Variants in SPECC1L observed in about 807,000 individuals in gnomAD.
SPECC1L encodes the protein cytospin-A.
SPECC1L carries 40 observed loss-of-function variants against 116.8 expected under a neutral mutation model. That is an observed-to-expected ratio of 0.34 (90% CI 0.27 to 0.45). The LOEUF is 0.45. Among genes scored for constraint, SPECC1L ranks in the 20% least tolerant of loss-of-function variants. The pLI, the probability that SPECC1L is intolerant of heterozygous loss-of-function variation, is 1.00. For missense variants in SPECC1L, 1,110 were observed against 1,373.6 expected (o/e 0.81, Z 3.03); for synonymous variants, 504 against 500.6 (o/e 1.01, Z -0.09).
chr22:24,373,596 C>G (rs572828236), intron 14 of SPECC1L, among the ~76,000 whole-genome samples: 177 of 152,288 alleles, frequency 1.2e-3, no homozygotes, highest in African/African-American at 4.1e-3. Context: ...AACTGCATCC[C>G]TTCCTTACAC....
At chr22:24,364,155 G>A (rs2041702225) in intron 12 of SPECC1L, among the ~76,000 whole-genome samples, 1 of 152,118 alleles carries the variant, frequency 6.6e-6, no homozygotes, top group African/African-American at 2.4e-5. Context: ...ACTCAGTGCT[G>A]CCTTTAGAAA....
At chr22:24,342,665 T>TC (rs2041201013) in intron 10 of SPECC1L, among the ~76,000 whole-genome samples, 1 of 114,126 alleles carries the variant, frequency 8.8e-6, no homozygotes, top group African/African-American at 3.7e-5. Flanking sequence ...AGAGCAGGAC[T>TC]CCATCTCAAA....
intron 4 of SPECC1L, among the ~76,000 whole-genome samples, chr22:24,317,901 C>T (rs1286763014): frequency 2.7e-5 from 4 of 148,422 alleles, no homozygotes; most frequent in Non-Finnish European, 6.0e-5. Flanking sequence ...AGGGCAGAGG[C>T]GCTCCCCACA....
intron 11 of SPECC1L, 135 bp downstream of exon 11, chr22:24,347,311 A>G: frequency 1.4e-6 from 1 of 699,410 alleles, no homozygotes; most frequent in Non-Finnish European, 2.6e-6. Flanking sequence ...TCAGAAGTTC[A>G]CTAGTAAGTA....
chr22:24,288,513 G>C (rs1295308453), intron 2 of SPECC1L, among the ~76,000 whole-genome samples: 3 of 148,286 alleles, frequency 2.0e-5, no homozygotes, highest in Non-Finnish European at 3.0e-5. Flanking sequence ...CCTAACCAGT[G>C]AAATGCTTGT....
chr22:24,337,955 G>C (rs889040360), intron 9 of SPECC1L, among the ~76,000 whole-genome samples: 2 of 152,070 alleles, frequency 1.3e-5, no homozygotes, highest in Non-Finnish European at 2.9e-5. Flanking sequence ...ATTGAGGAAA[G>C]ACAAGCAGAA....
intron 14 of SPECC1L, among the ~76,000 whole-genome samples, chr22:24,377,031 C>A (rs1461943601): frequency 6.6e-6 from 1 of 152,074 alleles, no homozygotes; most frequent in Non-Finnish European, 1.5e-5. Flanking sequence ...TTACTATAGG[C>A]AACCACTAAT....
chr22:24,411,039 A>T (rs2042686150), intron 14 of SPECC1L, among the ~76,000 whole-genome samples: 1 of 151,892 alleles, frequency 6.6e-6, no homozygotes, highest in Non-Finnish European at 1.5e-5. Flanking sequence ...ACAAAAAAAA[A>T]TAGCCGGGTG....
chr22:24,372,754 A>G lies in SPECC1L; in HGVS notation c.3087+3434A>G, dbSNP rs568190573. On this transcript the variant is annotated intron_variant, in intron 14 of 16. Transcript: ENST00000314328. ...CTCTCTCACCACTCCTATTCAACAT[A>G]GTGTTGGAAGTTCTGGCCAGGGCAG... is the stretch of plus-strand genomic sequence containing the variant. 2.6e-5 allele frequency among the ~76,000 whole-genome samples: 4 copies of G among 151,258 alleles called. No individual in the cohort carries two copies. The East Asian group carries it at 7.7e-4, about 29-fold the overall frequency.
At chr22:24,360,897 C>T (rs9608277) in intron 11 of SPECC1L, among the ~76,000 whole-genome samples, 25,688 of 152,082 alleles carry the variant, frequency 0.17, 2,685 homozygotes, top group Admixed American at 0.24. Context: ...TCTTCCTTTA[C>T]GGGTAAATGC....
At chr22:24,282,166 CA>C (rs1444498837) in intron 2 of SPECC1L, among the ~76,000 whole-genome samples, 10 of 152,184 alleles carry the variant, frequency 6.6e-5, no homozygotes, top group Admixed American at 2.6e-4. Context: ...CCAGCTGATC[CA>C]TCAAGTGCAG....
At chr22:24,363,415 G>A (rs2041684483) in intron 12 of SPECC1L, 71 bp downstream of exon 12, 1 of 1,346,616 alleles carries the variant, frequency 7.4e-7, no homozygotes, top group Non-Finnish European at 1.1e-6. Context: ...ATGTTGCCCA[G>A]GCTGATCTCA....
In SPECC1L at chr22:24,322,756, G is replaced by T; in HGVS notation, c.1776G>T (p.Glu592Asp). 1 of 1,584,354 alleles carries T rather than the reference G, an allele frequency of 6.3e-7. No individual in the cohort carries two copies. The highest frequency in any genetic ancestry group is 1.2e-5 in the South Asian group (1 of 85,026). The stretch of plus-strand genomic sequence containing the variant: ...AGAATGAAAAGCAGAAAGTGGCAGA[G>T]CTGTATTCTATCCATAACTCTGGAG... ...QLENEKQKVA[E>D]LYSIHNSGDK... is the part of the protein sequence containing the mutation. Residue 592 changes from glutamate to aspartate, a missense_variant, in exon 5 of 17, where the codon GAG (glutamate) becomes GAT (aspartate). Coordinates refer to ENST00000314328, the MANE Select transcript of SPECC1L (RefSeq NM_015330.6).
chr22:24,300,106 T>C (rs2049347273), intron 2 of SPECC1L, among the ~76,000 whole-genome samples: 1 of 152,228 alleles, frequency 6.6e-6, no homozygotes, highest in South Asian at 2.1e-4. Flanking sequence ...GCTGCACCTA[T>C]TGACCCATCC....
rs545245758 is a variant in SPECC1L at position 24,291,216 on chromosome 22, C to T, written c.-37-10979C>T. On this transcript the variant is annotated intron_variant, in intron 2 of 16. Coordinates refer to ENST00000314328, the MANE Select transcript of SPECC1L (RefSeq NM_015330.6). The stretch of plus-strand genomic sequence containing the variant: ...AAAAAGTCATAATTAATAAGCAGTT[C>T]CTCTTAAATTGTTTGATTCCGTGTT... 3.3e-5 allele frequency among the ~76,000 whole-genome samples: 5 copies of T among 152,226 alleles called. No homozygotes were observed. The South Asian group carries it at 1.0e-3, about 32-fold the overall frequency.
At chr22:24,309,136 GAC>G (rs138903918) in intron 3 of SPECC1L, among the ~76,000 whole-genome samples, 8 of 150,906 alleles carry the variant, frequency 5.3e-5, no homozygotes, top group East Asian at 2.0e-4. Context: ...TTGCTTTTGG[GAC>G]ACACACACAC....
At chr22:24,328,791 A>G in intron 6 of SPECC1L, 55 bp from the exon 7 acceptor site, 2 of 1,383,316 alleles carry the variant, frequency 1.4e-6, no homozygotes, top group African/African-American at 2.9e-5. Context: ...TCTTTGTATT[A>G]TTACTCTGAA....
At chr22:24,316,207 C>T (rs971816222) in intron 4 of SPECC1L, among the ~76,000 whole-genome samples, 3 of 152,168 alleles carry the variant, frequency 2.0e-5, no homozygotes, top group African/African-American at 7.2e-5. Flanking sequence ...ATTATTCTGT[C>T]TACTCATTAC....
chr22:24,301,185 A>G (rs1270310439), intron 2 of SPECC1L, among the ~76,000 whole-genome samples: 2 of 152,244 alleles, frequency 1.3e-5, no homozygotes, highest in African/African-American at 4.8e-5. Context: ...GAGGCAACCT[A>G]CAGAATGGGA....
Sources: allele counts gnomAD v4.1 joint callset (sites outside exome capture counted in the v4.1 genomes callset), GRCh38; gene constraint gnomAD v4.1.1; transcripts MANE v1.5; gene names NCBI Gene and HGNC (gene_info 2026-07-23, HGNC 2026-07-21).